Variants in DNAJC18 observed in about 807,000 individuals in gnomAD.
DNAJC18 encodes the protein DnaJ heat shock protein family (Hsp40) member C18, also known as dnaJ homolog subfamily C member 18.
DNAJC18 carries 40 observed loss-of-function variants against 48.6 expected under a neutral mutation model. That is an observed-to-expected ratio of 0.82 (90% CI 0.64 to 1.07). DNAJC18 has a LOEUF of 1.07. Ranked by LOEUF, DNAJC18 falls within the 50% of genes least tolerant of loss-of-function variation. DNAJC18 has a pLI of 0.00. For missense variants in DNAJC18, 340 were observed against 427.7 expected (o/e 0.79, Z 1.81); for synonymous variants, 135 against 152.2 (o/e 0.89, Z 0.83).
At chr5:139,422,586 A>T (rs1417022926) in intron 6 of DNAJC18, 122 bp downstream of exon 6, 3 of 769,614 alleles carry the variant, frequency 3.9e-6, no homozygotes, top group East Asian at 5.6e-5. Context: ...GTTCCTTTAA[A>T]CATCAAATCG....
intron 2 of DNAJC18, among the ~76,000 whole-genome samples, chr5:139,431,506 G>A (rs910821823): frequency 3.3e-5 from 5 of 152,010 alleles, no homozygotes; most frequent in African/African-American, 9.7e-5. Flanking sequence ...TTTTTTCAAG[G>A]TTCATCCATG....
At chr5:139,418,102 C>A (rs1432633088) in intron 7 of DNAJC18, among the ~76,000 whole-genome samples, 1 of 152,160 alleles carries the variant, frequency 6.6e-6, no homozygotes, top group Non-Finnish European at 1.5e-5. Context: ...AAAGTCAAAG[C>A]CCTCCCAGGA....
intron 7 of DNAJC18, among the ~76,000 whole-genome samples, chr5:139,418,309 C>T (rs1759099369): frequency 6.6e-6 from 1 of 152,134 alleles, no homozygotes; most frequent in Non-Finnish European, 1.5e-5. Flanking sequence ...TGTGCTGCCA[C>T]ACCTGGCTTA....
chr5:139,421,137 G>C (rs1206049683), intron 6 of DNAJC18, among the ~76,000 whole-genome samples: 1 of 152,146 alleles, frequency 6.6e-6, no homozygotes, highest in Admixed American at 6.5e-5. Context: ...GAGGGAATCA[G>C]GCCAGTGTGG....
intron 3 of DNAJC18, 87 bp downstream of exon 3, chr5:139,428,451 T>C: frequency 6.6e-7 from 1 of 1,524,492 alleles, no homozygotes; most frequent in Non-Finnish European, 8.8e-7. Context: ...CTTATGGCCT[T>C]ATAAAACAAC....
At chr5:139,435,705 G>GTTTTTTTTGTTTTTTTT (rs1750628400) in intron 2 of DNAJC18, among the ~76,000 whole-genome samples, 1 of 41,194 alleles carries the variant, frequency 2.4e-5, no homozygotes, top group Admixed American at 4.7e-4. Context: ...TTCATTGGAA[G>GTTTTTTTTGTTTTTTTT]TTTTTTTTTT....
chr5:139,418,518 G>A (rs1254150921), intron 7 of DNAJC18, among the ~76,000 whole-genome samples: 1 of 152,170 alleles, frequency 6.6e-6, no homozygotes, highest in Non-Finnish European at 1.5e-5. Context: ...GTAAAATCTA[G>A]TTTAGCAATG....
At chr5:139,419,004 G>A (rs779651978) in intron 7 of DNAJC18, 30 of 408,738 alleles carry the variant, frequency 7.3e-5, no homozygotes, top group South Asian at 1.9e-4. Context: ...ACTTGAGGGC[G>A]GGGTTGGGAG....
chr5:139,435,502 C>T lies in DNAJC18; in HGVS notation c.227+1870G>A, dbSNP rs181454990. On this transcript the variant is annotated intron_variant, in intron 2 of 7. Transcript: ENST00000302060. ...AATCCTGCAATACTGGGATAAATCC[C>T]ACTTGGTGAAAATATATAATACTTT... Among the ~76,000 whole-genome samples the T allele has an allele frequency of 2.6e-5, 4 of 152,168 alleles. No individual in the cohort carries two copies. In the East Asian group the frequency reaches 5.8e-4, roughly 22 times the overall value.
chr5:139,435,705 G>GTTTTTTTTTCTTTTTTT (rs1750628474), intron 2 of DNAJC18, among the ~76,000 whole-genome samples: 1 of 41,194 alleles, frequency 2.4e-5, no homozygotes, highest in African/African-American at 1.1e-4. Context: ...TTCATTGGAA[G>GTTTTTTTTTCTTTTTTT]TTTTTTTTTT....
intron 7 of DNAJC18, among the ~76,000 whole-genome samples, chr5:139,417,006 CCTT>C (rs1351563134): frequency 6.6e-6 from 1 of 151,990 alleles, no homozygotes; most frequent in Non-Finnish European, 1.5e-5. Context: ...TGACCAACAT[CCTT>C]GAAACCCCGT....
chr5:139,431,673 G>C, intron 2 of DNAJC18, among the ~76,000 whole-genome samples: 1 of 152,276 alleles, frequency 6.6e-6, no homozygotes, highest in East Asian at 1.9e-4. Context: ...TCATGTACAA[G>C]TTTTTTTGTG....
At chr5:139,431,707 G>T (rs895061137) in intron 2 of DNAJC18, among the ~76,000 whole-genome samples, 2 of 152,128 alleles carry the variant, frequency 1.3e-5, no homozygotes, top group Non-Finnish European at 2.9e-5. Flanking sequence ...ATTTCTCTTG[G>T]AATATACTAG....
intron 2 of DNAJC18, among the ~76,000 whole-genome samples, chr5:139,429,337 C>A (rs1348463028): frequency 6.6e-6 from 1 of 152,092 alleles, no homozygotes; most frequent in East Asian, 1.9e-4. Flanking sequence ...CCACCTTGGC[C>A]TCCCAAAGTG....
At position 139,414,215 on chromosome 5, in the gene DNAJC18, G is replaced by A. The variant is rs1311057760; in HGVS notation, c.1010C>T (p.Ala337Val). 1.9e-6 allele frequency: 3 copies of A among 1,614,014 alleles called. No homozygotes were observed. Among genetic ancestry groups the A allele is most frequent in the Admixed American group, 3.3e-5 (2 of 59,998 alleles). Residue 337 changes from alanine (A) to valine (V), a missense_variant, in exon 8 of 8, where the codon GCA becomes GTA. Ala to Val is a moderately conservative substitution (Grantham distance 64). Coordinates refer to ENST00000302060, the MANE Select transcript of DNAJC18 (RefSeq NM_152686.4). ...ACAGTTTTCAAGTTTCAGCGACTCTGCTTTCTGTTTCAATCGTTCATCTCT... is the reference window on the plus strand; with the variant it reads ...ACAGTTTTCAAGTTTCAGCGACTCTACTTTCTGTTTCAATCGTTCATCTCT... ...LYRDERLKQK[A>V]ESLKLENCEK... is the part of the protein sequence containing the mutation.
intron 3 of DNAJC18, 84 bp from the exon 4 acceptor site, chr5:139,426,441 G>C: frequency 6.6e-7 from 1 of 1,508,530 alleles, no homozygotes; most frequent in Non-Finnish European, 8.9e-7. Flanking sequence ...AAAGAGCCTA[G>C]AGGTGACTCG....
chr5:139,419,865 G>A (rs1759124333), intron 7 of DNAJC18, among the ~76,000 whole-genome samples, 188 bp downstream of exon 7: 1 of 152,090 alleles, frequency 6.6e-6, no homozygotes, highest in Non-Finnish European at 1.5e-5. Flanking sequence ...TCCAAGTCCT[G>A]GCCACATGTA....
intron 4 of DNAJC18, 103 bp downstream of exon 4, chr5:139,426,069 T>C: frequency 7.8e-7 from 1 of 1,275,684 alleles, no homozygotes; most frequent in Non-Finnish European, 1.1e-6. Context: ...TCCTTGCTGT[T>C]TCCATCATAC....
chr5:139,414,391 A>G, intron 7 of DNAJC18, 119 bp from the exon 8 acceptor site: 1 of 1,376,520 alleles, frequency 7.3e-7, no homozygotes, highest in Non-Finnish European at 9.7e-7. Context: ...AATTAAATAT[A>G]AGAAACATTT....
Sources: allele counts gnomAD v4.1 joint callset (sites outside exome capture counted in the v4.1 genomes callset), GRCh38; gene constraint gnomAD v4.1.1; transcripts MANE v1.5; gene names NCBI Gene and HGNC (gene_info 2026-07-23, HGNC 2026-07-21).